The following SUMF1 variants were observed in gnomAD, a reference collection of about 807,000 sequenced individuals.
SUMF1 encodes formylglycine-generating enzyme.
A neutral mutation model predicts 47.6 loss-of-function variants in SUMF1; 48 were observed. That is an observed-to-expected ratio of 1.01 (90% CI 0.80 to 1.28). The LOEUF (loss-of-function observed/expected upper bound fraction) is 1.28, where lower values mean the gene tolerates loss of function less well. SUMF1 is among the 50% of genes most tolerant of loss of function. The probability of loss-of-function intolerance (pLI) is 0.00; values close to 1 mark genes in which losing one functional copy is unlikely to be tolerated. For synonymous variants in SUMF1, 230 were observed against 192.1 expected, an observed-to-expected ratio of 1.20 and a Z score of -1.63; for missense variants, 571 against 485.4, an observed-to-expected ratio of 1.18 and a Z score of -1.66.
At chr3:4,043,002 C>A (rs1011479010) in intron 9 of SUMF1, among the ~76,000 whole-genome samples, 10 of 152,152 alleles carry the variant, frequency 6.6e-5, no homozygotes, top group Non-Finnish European at 1.5e-4. Flanking sequence ...CCTGTCTCCT[C>A]TGACTTCAGG....
At chr3:4,258,007 G>A (rs1218613564) in intron 8 of SUMF1, among the ~76,000 whole-genome samples, 1 of 151,994 alleles carries the variant, frequency 6.6e-6, no homozygotes, top group Non-Finnish European at 1.5e-5. Flanking sequence ...AACAAGCAAT[G>A]GGGAAAGGAT....
At chr3:4,074,815 A>C (rs929364818) in intron 8 of SUMF1, among the ~76,000 whole-genome samples, 2 of 152,118 alleles carry the variant, frequency 1.3e-5, no homozygotes, top group African/African-American at 4.8e-5. Context: ...TGAATAGACC[A>C]ATGACCTGAA....
chr3:4,224,095 T>C (rs1233719021), intron 8 of SUMF1, among the ~76,000 whole-genome samples: 2 of 151,946 alleles, frequency 1.3e-5, no homozygotes, highest in African/African-American at 4.8e-5. Context: ...CAAAACCCAA[T>C]TGAGGGGAAC....
In SUMF1 at chr3:4,417,228, C is replaced by A; in HGVS notation, c.740G>T (p.Gly247Val). The A allele has an allele frequency of 6.2e-7, 1 of 1,613,854 alleles. No homozygotes were observed. The highest frequency in any genetic ancestry group is 8.5e-7 in the Non-Finnish European group (1 of 1,179,864). The change falls in exon 6 of 9, where the codon GGC becomes GTC. Residue 247 changes from glycine to valine, a missense_variant. Gly to Val is a moderately radical substitution (Grantham distance 109). Coordinates refer to ENST00000272902, the MANE Select transcript of SUMF1 (RefSeq NM_182760.4). ...CTGGCCTTTGGGCTGCAGTTTGTTG[C>A]CCCAGGGGAAAAGTCTGTCAGAAGA... ...GGLHNRLFPW[G>V]NKLQPKGQHY... is the part of the protein sequence containing the mutation.
At chr3:4,310,809 A>G (rs1159841570) in intron 8 of SUMF1, among the ~76,000 whole-genome samples, 1 of 152,238 alleles carries the variant, frequency 6.6e-6, no homozygotes, top group African/African-American at 2.4e-5. Flanking sequence ...TGATTTATAT[A>G]GTACCTTAAA....
intron 8 of SUMF1, chr3:4,316,455 G>A (rs1243049158): frequency 2.5e-6 from 4 of 1,603,438 alleles, no homozygotes; most frequent in South Asian, 1.1e-5. Context: ...AGCAATCATC[G>A]AAGCTGATCC....
At chr3:4,083,241 AT>A (rs1215962483) in intron 8 of SUMF1, among the ~76,000 whole-genome samples, 1 of 152,162 alleles carries the variant, frequency 6.6e-6, no homozygotes, top group Non-Finnish European at 1.5e-5. Context: ...CGGCTACACA[AT>A]TGGAACCTCA....
In SUMF1 at chr3:4,405,752, C is replaced by T. The variant is rs145606786; in HGVS notation, c.954+5113G>A. Among the ~76,000 whole-genome samples the T allele has an allele frequency of 4.7e-4, 71 of 152,308 alleles. 1 individual carries two copies. In the East Asian group the frequency reaches 0.012, roughly 25 times the overall value. On this transcript the variant is annotated intron_variant, in intron 7 of 8. Transcript: ENST00000272902. ...ACAGAGGACACTTTCCAAAATGTGT[C>T]TAGAGCTATACAATCTATTAGACAA...
chr3:4,354,220 AAAG>A (rs1699569662), intron 8 of SUMF1, among the ~76,000 whole-genome samples: 1 of 152,182 alleles, frequency 6.6e-6, no homozygotes, highest in South Asian at 2.1e-4. Flanking sequence ...CAGTAATATC[AAAG>A]AAGGATTAAA....
At position 4,456,650 on chromosome 3, in the gene SUMF1, A is replaced by ATACGTGTATATATATG. The variant is rs1553588878; in HGVS notation, c.271-3602_271-3601insCATATATATACACGTA. 5.0e-4 allele frequency among the ~76,000 whole-genome samples: 59 copies of ATACGTGTATATATATG among 119,136 alleles called. 2 individuals are homozygous for ATACGTGTATATATATG. Among genetic ancestry groups the ATACGTGTATATATATG allele is most frequent in the African/African-American group, 1.5e-3 (50 of 33,660 alleles). 78.2% of individuals were successfully genotyped at this position (119,136 alleles called of 152,430 possible). A position where few individuals can be genotyped will look rare whatever the true frequency, so the allele number is the denominator to read the frequency against. ...TATATATATACGTGTATATATATAT[A>ATACGTGTATATATATG]TGTGTGTGTATATATATATATACGT... On this transcript the variant is annotated intron_variant, in intron 1 of 8. Transcript: ENST00000272902.
intron 8 of SUMF1, among the ~76,000 whole-genome samples, chr3:4,300,152 T>C (rs1271154264): frequency 6.6e-6 from 1 of 152,088 alleles, no homozygotes; most frequent in Non-Finnish European, 1.5e-5. Flanking sequence ...ATCACAACAG[T>C]GAGTTAATTC....
intron 4 of SUMF1, among the ~76,000 whole-genome samples, 178 bp from the exon 5 acceptor site, chr3:4,418,310 C>A (rs978637709): frequency 7.2e-5 from 11 of 152,334 alleles, no homozygotes; most frequent in African/African-American, 2.2e-4. Context: ...CGGTTTCTGA[C>A]AACCCAGGCT....
Position 4,420,085 on chromosome 3 carries a change from G to A in SUMF1, c.581C>T (p.Pro194Leu). Residue 194 changes from proline (P) to leucine (L), a missense_variant, in exon 4 of 9, where the codon CCT becomes CTT. Transcript: ENST00000272902. ...TCACCTGTGCAGAATAGTAGAGTCAGGCCCTTCTGGGTGTCTCCAGTTAGC... is the reference window on the plus strand; with the variant it reads ...TCACCTGTGCAGAATAGTAGAGTCAAGCCCTTCTGGGTGTCTCCAGTTAGC... ...KGANWRHPEG[P>L]DSTILHRPDH... 2 of 1,614,108 alleles carry A rather than the reference G, an allele frequency of 1.2e-6. No individual in the cohort carries two copies. Among genetic ancestry groups the A allele is most frequent in the Non-Finnish European group, 1.7e-6 (2 of 1,179,994 alleles).
chr3:4,157,817 T>A (rs1417430266), intron 8 of SUMF1, among the ~76,000 whole-genome samples: 1 of 151,586 alleles, frequency 6.6e-6, no homozygotes, highest in African/African-American at 2.4e-5. Context: ...GCTGTAGAAG[T>A]GACTACTTCT....
intron 7 of SUMF1, among the ~76,000 whole-genome samples, chr3:4,391,688 GC>G (rs1472938647): frequency 1.3e-5 from 2 of 152,014 alleles, no homozygotes; most frequent in Non-Finnish European, 2.9e-5. Context: ...TTGCCATGTT[GC>G]CCAGGCTGGT....
chr3:4,132,803 T>C (rs933084430), intron 8 of SUMF1, among the ~76,000 whole-genome samples: 1 of 152,052 alleles, frequency 6.6e-6, no homozygotes, highest in Non-Finnish European at 1.5e-5. Context: ...AAGAAATCAG[T>C]CTACTACTCC....
At chr3:4,071,348 G>A (rs1447825028) in intron 8 of SUMF1, among the ~76,000 whole-genome samples, 2 of 152,218 alleles carry the variant, frequency 1.3e-5, no homozygotes, top group South Asian at 2.1e-4. Flanking sequence ...GTGGGGCATC[G>A]CCTCACCTGA....
chr3:4,224,876 G>C (rs906178427), intron 8 of SUMF1, among the ~76,000 whole-genome samples: 1 of 152,094 alleles, frequency 6.6e-6, no homozygotes, highest in Admixed American at 6.6e-5. Flanking sequence ...TGATTCTCAA[G>C]TCCCTGATCC....
chr3:4,309,488 A>G (rs953887010), intron 8 of SUMF1, among the ~76,000 whole-genome samples: 1 of 152,178 alleles, frequency 6.6e-6, no homozygotes, highest in Admixed American at 6.5e-5. Flanking sequence ...ATTTGTTTGC[A>G]AGAAACATAA....
Sources: gnomAD v4.1 joint callset for allele counts (sites outside exome capture counted in the v4.1 genomes callset) on GRCh38, gnomAD v4.1.1 for gene constraint, MANE v1.5 for transcripts, NCBI Gene and HGNC (gene_info 2026-07-23, HGNC 2026-07-21) for gene names.